Variants in DCC observed in about 807,000 individuals in gnomAD.
DCC encodes DCC netrin 1 receptor, also known as netrin receptor DCC.
Under a neutral mutation model 172.5 loss-of-function variants are expected in DCC, and 58 were observed. That is an observed-to-expected ratio of 0.34 (90% confidence interval 0.27 to 0.42). The LOEUF is 0.42. Among genes scored for constraint, DCC ranks in the 10% least tolerant of loss-of-function variants. The pLI is 1.00. For missense variants in DCC, 1,740 were observed against 1,791.0 expected (o/e 0.97, Z 0.51); for synonymous variants, 709 against 644.5 (o/e 1.10, Z -1.52).
In DCC at chr18:53,088,050, T is replaced by A. The variant is rs2042942887; in HGVS notation, c.1261+21884T>A. ...GTCAGGTAGCGTGATGCCTCCAGCT[T>A]TGTTCTTTTGGCTTAGGATTGACTT... On this transcript the variant is annotated intron_variant, in intron 7 of 28. Transcript: ENST00000442544. Among the ~76,000 whole-genome samples the A allele has an allele frequency of 2.6e-5, 4 of 152,330 alleles. No individual in the cohort carries two copies. The South Asian group carries it at 8.3e-4, about 32-fold the overall frequency.
Position 53,322,118 on chromosome 18 carries a change from A to G in DCC, c.2125A>G (p.Asn709Asp). Reference sequence around the variant, plus strand: ...AGTCAATGGTACTGGACCACCTTCCAACTGGTATACTGCAGAGACTCCAGA... The same window carrying G: ...AGTCAATGGTACTGGACCACCTTCCGACTGGTATACTGCAGAGACTCCAGA... ...MTVNGTGPPSNWYTAETPEND... is the reference protein window; with the variant it reads ...MTVNGTGPPSDWYTAETPEND... The change falls in exon 14 of 29, where the codon AAC becomes GAC. Residue 709 changes from asparagine (N) to aspartate (D), a missense_variant. Asn to Asp is a conservative substitution (Grantham distance 23). Around this residue, in one of 2 missense-constraint regions of DCC, gnomAD observed 1,732 missense variants for 1,767.4 expected, o/e 0.98. Transcript: ENST00000442544. The G allele has an allele frequency of 6.2e-7, 1 of 1,601,462 alleles. No individual in the cohort carries two copies. The highest frequency in any genetic ancestry group is 8.6e-7 in the Non-Finnish European group (1 of 1,168,428).
At chr18:52,989,687 T>A (rs1006613559) in intron 5 of DCC, among the ~76,000 whole-genome samples, 2 of 152,138 alleles carry the variant, frequency 1.3e-5, no homozygotes, top group African/African-American at 4.8e-5. Flanking sequence ...CAACACACCA[T>A]TTCTCCCTTC....
At chr18:52,893,559 T>C (rs1350036313) in intron 2 of DCC, among the ~76,000 whole-genome samples, 5 of 152,172 alleles carry the variant, frequency 3.3e-5, no homozygotes, top group Admixed American at 3.3e-4. Flanking sequence ...TTTCTTTGTT[T>C]ATGAAAATCC....
intron 1 of DCC, among the ~76,000 whole-genome samples, chr18:52,518,880 C>A (rs2031720951): frequency 6.6e-6 from 1 of 152,176 alleles, no homozygotes; most frequent in East Asian, 1.9e-4. Context: ...GAGGCTCCTT[C>A]TCACCTTACC....
intron 7 of DCC, among the ~76,000 whole-genome samples, chr18:53,072,211 T>A (rs2042662527): frequency 6.6e-6 from 1 of 152,056 alleles, no homozygotes; most frequent in Non-Finnish European, 1.5e-5. Flanking sequence ...AGGTAAGCAA[T>A]AAGTTAGGAT....
intron 1 of DCC, among the ~76,000 whole-genome samples, chr18:52,525,030 A>G (rs1238209858): frequency 6.6e-6 from 1 of 152,180 alleles, no homozygotes. Context: ...TAAAATAAAC[A>G]TGATAATGCT....
chr18:53,360,091 A>C (rs1253744488), intron 15 of DCC, among the ~76,000 whole-genome samples: 3 of 152,108 alleles, frequency 2.0e-5, no homozygotes, highest in African/African-American at 7.2e-5. Flanking sequence ...ATTTAAAGAA[A>C]TTAACCTTTA....
At chr18:52,830,753 A>G (rs1026152810) in intron 2 of DCC, among the ~76,000 whole-genome samples, 6 of 152,150 alleles carry the variant, frequency 3.9e-5, no homozygotes, top group Admixed American at 6.5e-5. Context: ...AACCTCTTTT[A>G]TCTACCTTCA....
At chr18:53,339,164 CT>C (rs1367724744) in intron 14 of DCC, among the ~76,000 whole-genome samples, 1 of 152,176 alleles carries the variant, frequency 6.6e-6, no homozygotes, top group African/African-American at 2.4e-5. Flanking sequence ...TGTCTTCTTT[CT>C]TTTAATAATA....
At chr18:52,476,070 A>G (rs1989085550) in intron 1 of DCC, among the ~76,000 whole-genome samples, 1 of 152,230 alleles carries the variant, frequency 6.6e-6, no homozygotes, top group South Asian at 2.1e-4. Flanking sequence ...CTCCAGAGGT[A>G]GATACAACCA....
At chr18:53,210,294 C>T (rs549346633) in intron 11 of DCC, among the ~76,000 whole-genome samples, 8 of 152,260 alleles carry the variant, frequency 5.3e-5, no homozygotes, top group Non-Finnish European at 8.8e-5. Context: ...CACCTGCTTC[C>T]CAGTCTTCAG....
chr18:53,064,798 C>T (rs577855910), intron 6 of DCC, among the ~76,000 whole-genome samples: 6 of 152,260 alleles, frequency 3.9e-5, no homozygotes, highest in Admixed American at 1.3e-4. Context: ...ATTTCCACTA[C>T]CACTGAATTA....
intron 18 of DCC, among the ~76,000 whole-genome samples, chr18:53,397,919 A>G (rs890919275): frequency 2.0e-5 from 3 of 152,178 alleles, no homozygotes; most frequent in African/African-American, 7.2e-5. Flanking sequence ...AGGAGTTTCC[A>G]GGTGGTTTTG....
chr18:53,119,933 T>C (rs2043459923), intron 7 of DCC, among the ~76,000 whole-genome samples: 1 of 151,896 alleles, frequency 6.6e-6, no homozygotes. Context: ...CCCCAAAATG[T>C]AGAAATTTAA....
At chr18:53,120,882 G>A (rs544214543) in intron 7 of DCC, among the ~76,000 whole-genome samples, 1 of 151,690 alleles carries the variant, frequency 6.6e-6, no homozygotes, top group Non-Finnish European at 1.5e-5. Context: ...GTTTGTTTAG[G>A]GCAAGTGTTA....
intron 27 of DCC, among the ~76,000 whole-genome samples, chr18:53,517,418 T>C (rs1333475830): frequency 6.7e-6 from 1 of 149,914 alleles, no homozygotes; most frequent in East Asian, 1.9e-4. Context: ...CTGCACAATG[T>C]GCACATGTAC....
chr18:52,909,908 A>G (rs1361315266), intron 3 of DCC, among the ~76,000 whole-genome samples: 1 of 152,186 alleles, frequency 6.6e-6, no homozygotes, highest in African/African-American at 2.4e-5. Context: ...AACAAGTACT[A>G]GCTAGGCAAA....
intron 1 of DCC, among the ~76,000 whole-genome samples, chr18:52,529,095 A>G (rs1351105589): frequency 2.0e-5 from 3 of 152,158 alleles, no homozygotes; most frequent in Non-Finnish European, 4.4e-5. Context: ...ATATTCCAGT[A>G]CTCATCTTTG....
rs1409405243 is a variant in DCC at position 53,460,058 on chromosome 18, A to G, written c.3619+600A>G. ...TATGTTGTTATACAAAGGGATCTGA[A>G]AAAAAAAAAAAAAAAAAGCCTACTG... is the stretch of plus-strand genomic sequence containing the variant. On this transcript the variant is annotated intron_variant, in intron 24 of 28. Coordinates refer to ENST00000442544, the MANE Select transcript of DCC (RefSeq NM_005215.4). 2.7e-4 allele frequency among the ~76,000 whole-genome samples: 15 copies of G among 56,388 alleles called. No individual in the cohort carries two copies. In the South Asian group the frequency reaches 7.0e-3, roughly 26 times the overall value. The allele number at this position is 56,388 out of a possible 152,430, so 37.0% of individuals were successfully genotyped here. A position where few individuals can be genotyped will look rare whatever the true frequency, so the allele number is the denominator to read the frequency against.
Sources: allele counts gnomAD v4.1 joint callset (sites outside exome capture counted in the v4.1 genomes callset), GRCh38; gene constraint gnomAD v4.1.1; regional missense constraint gnomAD v4.1.1; transcripts MANE v1.5; gene names NCBI Gene and HGNC (gene_info 2026-07-23, HGNC 2026-07-21).